The following RASGRP1 variants were observed in gnomAD, a reference collection of about 807,000 sequenced individuals.
RASGRP1 encodes RAS guanyl releasing protein 1.
A neutral mutation model predicts 95.1 loss-of-function variants in RASGRP1; 37 were observed. That is an observed-to-expected ratio of 0.39 (90% CI 0.30 to 0.51). RASGRP1 has a LOEUF of 0.51. RASGRP1 is among the 20% of genes least tolerant of loss of function. The probability of loss-of-function intolerance (pLI) is 0.80; values close to 1 mark genes in which losing one functional copy is unlikely to be tolerated. For synonymous variants in RASGRP1, 325 were observed against 353.4 expected, an observed-to-expected ratio of 0.92 and a Z score of 0.90; for missense variants, 711 against 965.4, an observed-to-expected ratio of 0.74 and a Z score of 3.49.
In RASGRP1 at chr15:38,490,465, T is replaced by A. The variant is rs549515484; in HGVS notation, c.*89A>T. 6 of 1,329,034 alleles carry A rather than the reference T, an allele frequency of 4.5e-6. No homozygotes were observed. The South Asian group carries it at 1.1e-4, about 24-fold the overall frequency. 82.3% of individuals were successfully genotyped at this position (1,329,034 alleles called of 1,614,324 possible). A position where few individuals can be genotyped will look rare whatever the true frequency, so the allele number is the denominator to read the frequency against. On this transcript the variant is annotated 3_prime_UTR_variant, in exon 17 of 17. Transcript: ENST00000310803. ...TTTTAAAGTACTGTTTTAAAGCTGG[T>A]CAGTGTAAAGTTCCTCAGGTCTGTG...
At chr15:38,519,537 C>G (rs960981655) in intron 3 of RASGRP1, among the ~76,000 whole-genome samples, 166 bp from the exon 4 acceptor site, 1 of 152,154 alleles carries the variant, frequency 6.6e-6, no homozygotes, top group Admixed American at 6.5e-5. Flanking sequence ...TTGATGTGTA[C>G]AGCTGTATGC....
At chr15:38,514,171 A>C (rs1467635269) in intron 6 of RASGRP1, among the ~76,000 whole-genome samples, 1 of 152,146 alleles carries the variant, frequency 6.6e-6, no homozygotes, top group Non-Finnish European at 1.5e-5. Context: ...CTAAGTAGTA[A>C]ATATATAGAT....
At chr15:38,502,493 A>G in intron 11 of RASGRP1, 72 bp from the exon 12 acceptor site, 1 of 940,944 alleles carries the variant, frequency 1.1e-6, no homozygotes, top group Non-Finnish European at 1.7e-6. Context: ...CAAATGACAA[A>G]GAGCTGGGGC....
chr15:38,499,956 G>A (rs118021767), intron 14 of RASGRP1, 147 bp downstream of exon 14: 8,035 of 678,378 alleles, frequency 0.012, 74 homozygotes, highest in Non-Finnish European at 0.017. Context: ...CCATGATTGT[G>A]AGTTTCCTTA....
chr15:38,519,219 T>C (rs1891903093), intron 4 of RASGRP1, 90 bp downstream of exon 4: 1 of 1,059,544 alleles, frequency 9.4e-7, no homozygotes, highest in Non-Finnish European at 1.4e-6. Flanking sequence ...AGGTGTTCTA[T>C]AGAGGTCAGG....
At chr15:38,497,274 A>G (rs1008601942) in intron 15 of RASGRP1, among the ~76,000 whole-genome samples, 19 of 152,132 alleles carry the variant, frequency 1.2e-4, no homozygotes, top group African/African-American at 4.3e-4. Context: ...CAAGCCCTTC[A>G]TGTTACCCTT....
intron 2 of RASGRP1, among the ~76,000 whole-genome samples, chr15:38,537,354 A>G (rs1892693750): frequency 6.6e-6 from 1 of 152,214 alleles, no homozygotes; most frequent in Admixed American, 6.5e-5. Context: ...GAAGCTTACA[A>G]TCATGGTAGA....
chr15:38,498,285 C>G (rs1373411002), intron 15 of RASGRP1, among the ~76,000 whole-genome samples: 3 of 152,172 alleles, frequency 2.0e-5, no homozygotes, highest in African/African-American at 7.2e-5. Context: ...GCCAAGCAGA[C>G]CAGTAGCTTT....
At chr15:38,529,289 G>A (rs966534485) in intron 2 of RASGRP1, among the ~76,000 whole-genome samples, 5 of 152,090 alleles carry the variant, frequency 3.3e-5, no homozygotes, top group Non-Finnish European at 7.4e-5. Flanking sequence ...GGAATAAAAC[G>A]GACTCCTTAC....
chr15:38,498,009 G>A (rs1890860481), intron 15 of RASGRP1, among the ~76,000 whole-genome samples: 1 of 152,084 alleles, frequency 6.6e-6, no homozygotes, highest in Non-Finnish European at 1.5e-5. Flanking sequence ...CTCAGACTAG[G>A]ACCTGGTCTT....
intron 2 of RASGRP1, among the ~76,000 whole-genome samples, chr15:38,532,639 T>C (rs995191890): frequency 2.0e-5 from 3 of 152,222 alleles, no homozygotes. Flanking sequence ...AGTGGTTGTC[T>C]GGCCTCTACT....
chr15:38,528,977 C>G (rs1330895119), intron 2 of RASGRP1, among the ~76,000 whole-genome samples: 1 of 152,188 alleles, frequency 6.6e-6, no homozygotes, highest in Admixed American at 6.5e-5. Flanking sequence ...GCACCACCAA[C>G]CATCCTCTCA....
chr15:38,553,550 T>C (rs1300128706), intron 2 of RASGRP1, among the ~76,000 whole-genome samples: 1 of 152,172 alleles, frequency 6.6e-6, no homozygotes, highest in Non-Finnish European at 1.5e-5. Flanking sequence ...GGGACGGGCA[T>C]AAGTTACGGA....
intron 13 of RASGRP1, 102 bp downstream of exon 13, chr15:38,501,041 A>C: frequency 2.2e-6 from 3 of 1,341,704 alleles, no homozygotes; most frequent in Non-Finnish European, 3.0e-6. Context: ...TCTGGGCTCC[A>C]AGCTGGGATG....
At chr15:38,556,597 G>C (rs1893562079) in intron 2 of RASGRP1, among the ~76,000 whole-genome samples, 2 of 152,176 alleles carry the variant, frequency 1.3e-5, no homozygotes, top group African/African-American at 4.8e-5. Flanking sequence ...TTGTCCAACT[G>C]ACTTTTTTGC....
At chr15:38,493,540 G>A (rs1890679214) in intron 16 of RASGRP1, among the ~76,000 whole-genome samples, 1 of 151,986 alleles carries the variant, frequency 6.6e-6, no homozygotes. Context: ...CAAACTCTTG[G>A]TCTCCTTTCC....
rs1210329186 is a variant in RASGRP1, at chr15:38,518,310, A to T, written c.503T>A (p.Leu168Gln). ...KAKGEELHCRLIDTTQINARD... is the reference protein window; with the variant it reads ...KAKGEELHCRQIDTTQINARD... ...CACTCACATTTGAGTTGTGTCAATC[A>T]GGCGGCAATGTAACTCCTCACCCTT... is the stretch of plus-strand genomic sequence containing the variant. The change falls in exon 5 of 17, where the codon CTG becomes CAG. Residue 168 changes from leucine (L) to glutamine (Q), a missense_variant. Leu to Gln is a moderately radical substitution (Grantham distance 113). Transcript: ENST00000310803. The T allele has an allele frequency of 1.2e-6, 2 of 1,610,232 alleles. No individual in the cohort carries two copies. Among genetic ancestry groups the T allele is most frequent in the Non-Finnish European group, 1.7e-6 (2 of 1,178,308 alleles).
intron 2 of RASGRP1, among the ~76,000 whole-genome samples, chr15:38,555,878 G>A (rs936887768): frequency 6.6e-6 from 1 of 152,150 alleles, no homozygotes; most frequent in South Asian, 2.1e-4. Context: ...TGTGTGTTGG[G>A]GGGGCCCGTT....
intron 2 of RASGRP1, among the ~76,000 whole-genome samples, chr15:38,549,307 C>T (rs1893235495): frequency 6.6e-6 from 1 of 152,174 alleles, no homozygotes; most frequent in African/African-American, 2.4e-5. Context: ...CCAAAATTAA[C>T]CAGTGATTAA....
Sources: allele counts gnomAD v4.1 joint callset (sites outside exome capture counted in the v4.1 genomes callset), GRCh38; gene constraint gnomAD v4.1.1; transcripts MANE v1.5; gene names NCBI Gene and HGNC (gene_info 2026-07-23, HGNC 2026-07-21).